Variants in HTR4 observed in about 807,000 individuals in gnomAD.
The protein encoded by HTR4 is 5-hydroxytryptamine receptor 4, also known as 5-hydroxytryptamine (serotonin) receptor 4, G protein-coupled.
In HTR4, 16 loss-of-function variants were observed where a neutral mutation model predicts 36.8. The ratio of observed to expected loss-of-function variants is 0.43; its 90% CI spans 0.29 to 0.66. The LOEUF (loss-of-function observed/expected upper bound fraction) is 0.66. Among genes scored for constraint, HTR4 ranks in the 30% least tolerant of loss-of-function variants. HTR4 has a pLI of 0.13. For missense variants in HTR4, 438 were observed against 490.9 expected (o/e 0.89, Z 1.02); for synonymous variants, 189 against 185.1 (o/e 1.02, Z -0.17).
intron 6 of HTR4, among the ~76,000 whole-genome samples, chr5:148,506,916 A>C (rs1001732380): frequency 2.0e-5 from 3 of 152,166 alleles, no homozygotes; most frequent in Non-Finnish European, 4.4e-5. Flanking sequence ...ACACTTTTAC[A>C]CTGTTGGTGG....
At chr5:148,491,840 T>C (rs1756460256) in intron 6 of HTR4, among the ~76,000 whole-genome samples, 1 of 152,184 alleles carries the variant, frequency 6.6e-6, no homozygotes, top group South Asian at 2.1e-4. Context: ...ACAGGCCTCC[T>C]GCTCTTTCCA....
intron 2 of HTR4, among the ~76,000 whole-genome samples, chr5:148,626,895 T>A (rs745617363): frequency 6.6e-6 from 1 of 152,172 alleles, no homozygotes; most frequent in Non-Finnish European, 1.5e-5. Flanking sequence ...TATAGACATT[T>A]TTTTACCTGA....
intron 6 of HTR4, chr5:148,509,254 T>G: frequency 3.9e-6 from 2 of 510,546 alleles, no homozygotes; most frequent in Non-Finnish European, 6.9e-6. Context: ...GGGGACTTGA[T>G]TAGAATTCAA....
chr5:148,501,796 A>C (rs1274426672), intron 6 of HTR4, among the ~76,000 whole-genome samples: 1 of 152,194 alleles, frequency 6.6e-6, no homozygotes, highest in South Asian at 2.1e-4. Flanking sequence ...AAACTTATGG[A>C]AGACTGTAAT....
chr5:148,649,609 G>A (rs1007314037), intron 1 of HTR4, among the ~76,000 whole-genome samples: 6 of 152,200 alleles, frequency 3.9e-5, no homozygotes, highest in Admixed American at 6.5e-5. Context: ...GTGGGGGTAG[G>A]TGGAGACAAG....
intron 4 of HTR4, among the ~76,000 whole-genome samples, chr5:148,530,376 G>A (rs2113811013): frequency 6.6e-6 from 1 of 152,304 alleles, no homozygotes; most frequent in African/African-American, 2.4e-5. Context: ...CTAGGGAATT[G>A]GTGCCGTGTG....
Position 148,565,108 on chromosome 5 carries a change from TAAA to T in HTR4, c.27-14849_27-14847del, listed in dbSNP as rs75435936. Reference sequence around the variant, plus strand: ...CTGGGCAACAGAGTGAGACTCCATCTAAAAAAAAAAAAAAAAAAGATTAATAAA... The same window carrying T: ...CTGGGCAACAGAGTGAGACTCCATCTAAAAAAAAAAAAAAAGATTAATAAA... On this transcript the variant is annotated intron_variant, in intron 2 of 6. Coordinates refer to ENST00000377888, the MANE Select transcript of HTR4 (RefSeq NM_000870.7). 3.0e-3 allele frequency among the ~76,000 whole-genome samples: 376 copies of T among 124,858 alleles called. 5 individuals carry two copies. In the East Asian group the frequency reaches 0.035, roughly 12 times the overall value. The allele number at this position is 124,858 out of a possible 152,430, so 81.9% of individuals were successfully genotyped here.
downstream of HTR4, among the ~76,000 whole-genome samples, chr5:148,474,723 G>A (rs1755654374): frequency 6.6e-6 from 1 of 152,132 alleles, no homozygotes; most frequent in African/African-American, 2.4e-5. Context: ...CAGAAAATTA[G>A]AGCATGGATT....
At chr5:148,507,748 A>G (rs1290194781) in intron 6 of HTR4, among the ~76,000 whole-genome samples, 3 of 152,116 alleles carry the variant, frequency 2.0e-5, no homozygotes, top group Non-Finnish European at 4.4e-5. Flanking sequence ...GGAAACTCCC[A>G]AACTCTCTAT....
At chr5:148,518,587 A>G (rs1472736443) in intron 5 of HTR4, among the ~76,000 whole-genome samples, 1 of 152,166 alleles carries the variant, frequency 6.6e-6, no homozygotes, top group African/African-American at 2.4e-5. Context: ...TTTAAAACAT[A>G]GGGCAAATAA....
intron 2 of HTR4, among the ~76,000 whole-genome samples, chr5:148,631,131 A>G (rs1753306998): frequency 6.6e-6 from 1 of 152,128 alleles, no homozygotes. Flanking sequence ...CTCTAGCTTG[A>G]GGTTCCCCAT....
At chr5:148,621,600 C>T (rs1457610774) in intron 2 of HTR4, among the ~76,000 whole-genome samples, 2 of 152,170 alleles carry the variant, frequency 1.3e-5, no homozygotes, top group African/African-American at 4.8e-5. Flanking sequence ...ATTAGGTGAG[C>T]TAGTAAATTC....
intron 4 of HTR4, among the ~76,000 whole-genome samples, chr5:148,538,942 A>G (rs1460473414): frequency 6.6e-6 from 1 of 152,176 alleles, no homozygotes; most frequent in Non-Finnish European, 1.5e-5. Context: ...AAAAAGAACA[A>G]AGCTGGAGGC....
At chr5:148,564,889 A>C (rs1204588613) in intron 2 of HTR4, among the ~76,000 whole-genome samples, 1 of 152,040 alleles carries the variant, frequency 6.6e-6, no homozygotes, top group Non-Finnish European at 1.5e-5. Flanking sequence ...AGGTGGGTGG[A>C]TCATAAGGTC....
chr5:148,633,353 C>T (rs58288409), intron 2 of HTR4, among the ~76,000 whole-genome samples: 2,580 of 151,836 alleles, frequency 0.017, 49 homozygotes, highest in African/African-American at 0.05. Flanking sequence ...GAGAACATAG[C>T]GCATTGTATG....
chr5:148,647,490 T>G (rs1753907003), intron 1 of HTR4, among the ~76,000 whole-genome samples: 1 of 152,190 alleles, frequency 6.6e-6, no homozygotes, highest in Non-Finnish European at 1.5e-5. Flanking sequence ...GCCCTGCCAC[T>G]ACCTGAACTT....
chr5:148,472,741 T>G (rs1038138843), downstream of HTR4, among the ~76,000 whole-genome samples: 6 of 152,098 alleles, frequency 3.9e-5, no homozygotes, highest in Non-Finnish European at 8.8e-5. Context: ...AGGGAGAAGT[T>G]GCACACAGCC....
chr5:148,510,207 T>A (rs539669479), intron 5 of HTR4, among the ~76,000 whole-genome samples, 183 bp from the exon 6 acceptor site: 1 of 149,638 alleles, frequency 6.7e-6, no homozygotes, highest in Non-Finnish European at 1.5e-5. Flanking sequence ...AATAAAAGAG[T>A]AAAGGGGAAA....
chr5:148,541,784 C>T (rs553214397), intron 4 of HTR4, among the ~76,000 whole-genome samples: 10 of 152,258 alleles, frequency 6.6e-5, no homozygotes, highest in African/African-American at 2.4e-4. Flanking sequence ...TTTTAGTTAA[C>T]AAGGGCTTTC....
Sources: allele counts gnomAD v4.1 joint callset (sites outside exome capture counted in the v4.1 genomes callset), GRCh38; gene constraint gnomAD v4.1.1; transcripts MANE v1.5; gene names NCBI Gene and HGNC (gene_info 2026-07-23, HGNC 2026-07-21).